The following PCDHGA8 variants were observed in gnomAD, a reference collection of about 807,000 sequenced individuals.
PCDHGA8 encodes the protein protocadherin gamma-A8.
PCDHGA8 carries 45 observed loss-of-function variants against 59.2 expected under a neutral mutation model. The observed-to-expected ratio is 0.76, with a 90% CI of 0.60 to 0.98. PCDHGA8 has a LOEUF of 0.98. Among genes scored for constraint, PCDHGA8 ranks in the 50% least tolerant of loss-of-function variants. The pLI, the probability that PCDHGA8 is intolerant of heterozygous loss-of-function variation, is 0.00. For missense variants in PCDHGA8, 1,257 were observed against 1,196.2 expected, an observed-to-expected ratio of 1.05 and a Z score of -0.75; for synonymous variants, 531 against 519.0, an observed-to-expected ratio of 1.02 and a Z score of -0.32.
chr5:141,509,499 T>C (rs895353804), intron 3 of PCDHGA8, among the ~76,000 whole-genome samples: 1 of 152,128 alleles, frequency 6.6e-6, no homozygotes, highest in Non-Finnish European at 1.5e-5. Flanking sequence ...GCATGCTGGA[T>C]GTGACGGTGT....
rs767425379 is a variant in PCDHGA8, at chr5:141,403,635, T to C, written c.2424+8398T>C. 1.1e-5 allele frequency: 18 copies of C among 1,613,902 alleles called. No individual in the cohort carries two copies. The South Asian group carries it at 1.8e-4, about 16-fold the overall frequency. On this transcript the variant is annotated intron_variant, in intron 1 of 3. Transcript: ENST00000398604. ...CCGCGTCGCTCCAGCACAGTGCGCA[T>C]CCATGTGACAGTGTTGGATACAAAT... is the stretch of plus-strand genomic sequence containing the variant.
chr5:141,475,013 G>T (rs950376592), intron 1 of PCDHGA8, among the ~76,000 whole-genome samples: 1 of 152,176 alleles, frequency 6.6e-6, no homozygotes, highest in African/African-American at 2.4e-5. Context: ...AAAAGTTAAG[G>T]CTCTTTATTC....
intron 1 of PCDHGA8, chr5:141,419,330 C>G (rs2096361200): frequency 1.9e-6 from 3 of 1,613,958 alleles, no homozygotes; most frequent in Non-Finnish European, 2.5e-6. Context: ...CTCCTACTCT[C>G]TCATTGCCAG....
chr5:141,414,255 G>A (rs776584940), intron 1 of PCDHGA8: 12 of 1,613,350 alleles, frequency 7.4e-6, no homozygotes, highest in Non-Finnish European at 1.0e-5. Flanking sequence ...TTAGTCCAGT[G>A]ACTGAAGATT....
chr5:141,415,772 T>TTTTA, intron 1 of PCDHGA8: 1 of 1,332,982 alleles, frequency 7.5e-7, no homozygotes, highest in Non-Finnish European at 9.6e-7. Context: ...TTTTTTTTTT[T>TTTTA]ACTTTCTGGT....
intron 1 of PCDHGA8, among the ~76,000 whole-genome samples, chr5:141,425,410 A>G (rs1283299220): frequency 2.0e-5 from 3 of 152,240 alleles, no homozygotes; most frequent in African/African-American, 7.2e-5. Flanking sequence ...TTAAGGTATA[A>G]CATATAGTCC....
intron 1 of PCDHGA8, among the ~76,000 whole-genome samples, chr5:141,445,834 T>G (rs1310067225): frequency 6.6e-6 from 1 of 152,218 alleles, no homozygotes; most frequent in Middle Eastern, 3.2e-3. Context: ...GGGAGAGCCT[T>G]GTAAATCACA....
At chr5:141,449,264 C>CTG (rs2098633558) in intron 1 of PCDHGA8, among the ~76,000 whole-genome samples, 1 of 152,056 alleles carries the variant, frequency 6.6e-6, no homozygotes, top group African/African-American at 2.4e-5. Context: ...GTACAAAGAA[C>CTG]TGTATCTCCT....
chr5:141,448,515 T>C (rs1158968509), intron 1 of PCDHGA8, among the ~76,000 whole-genome samples: 1 of 152,212 alleles, frequency 6.6e-6, no homozygotes, highest in Non-Finnish European at 1.5e-5. Flanking sequence ...TTTATAACTT[T>C]ATTAAGCATC....
chr5:141,442,298 G>A (rs934210433), intron 1 of PCDHGA8: 2 of 152,564 alleles, frequency 1.3e-5, no homozygotes, highest in African/African-American at 4.8e-5. Flanking sequence ...TCCTGTCTGA[G>A]TCTTTCCCAC....
intron 1 of PCDHGA8, chr5:141,421,442 A>G (rs769354611): frequency 1.7e-5 from 27 of 1,613,990 alleles, no homozygotes; most frequent in Non-Finnish European, 2.2e-5. Context: ...TCCAGAGGGA[A>G]GACACAGCTT....
At chr5:141,400,191 A>G (rs781032596) in intron 1 of PCDHGA8, 2 of 1,613,970 alleles carry the variant, frequency 1.2e-6, no homozygotes, top group Non-Finnish European at 1.7e-6. Context: ...AGTTTTACCT[A>G]GTGGTGGCCT....
At chr5:141,405,708 C>T (rs1328051668) in intron 1 of PCDHGA8, among the ~76,000 whole-genome samples, 2 of 152,164 alleles carry the variant, frequency 1.3e-5, no homozygotes, top group African/African-American at 4.8e-5. Context: ...GAATTCCTAA[C>T]CTCAAGTGAT....
At chr5:141,501,116 C>T (rs1325487254) in intron 2 of PCDHGA8, among the ~76,000 whole-genome samples, 1 of 152,154 alleles carries the variant, frequency 6.6e-6, no homozygotes, top group Non-Finnish European at 1.5e-5. Flanking sequence ...ATCCGCCTGC[C>T]TCAGCCTCCC....
Position 141,432,026 on chromosome 5 carries a change from A to G in PCDHGA8, c.2424+36789A>G, listed in dbSNP as rs1591124077. On this transcript the variant is annotated intron_variant, in intron 1 of 3. Coordinates refer to ENST00000398604, the MANE Select transcript of PCDHGA8 (RefSeq NM_032088.2). The surrounding 1 kb of genome is among the most constrained non-coding windows in gnomAD (Gnocchi z 6.0). ...GGTTCCTAGCTACAACATCACAGTG[A>G]CCGCCACTGACCGGGGAACCCCGCC... The G allele has an allele frequency of 1.9e-6, 3 of 1,614,152 alleles. 1 individual carries two copies. Among genetic ancestry groups the G allele is most frequent in the Middle Eastern group, 3.3e-4 (2 of 6,062 alleles).
chr5:141,497,858 C>T (rs920483410), intron 2 of PCDHGA8, among the ~76,000 whole-genome samples: 3 of 152,218 alleles, frequency 2.0e-5, no homozygotes, highest in Non-Finnish European at 2.9e-5. Flanking sequence ...TTTGATTCAG[C>T]GGCTCCAAAG....
At chr5:141,465,266 C>G (rs2099099623) in intron 1 of PCDHGA8, among the ~76,000 whole-genome samples, 1 of 152,096 alleles carries the variant, frequency 6.6e-6, no homozygotes, top group South Asian at 2.1e-4. Flanking sequence ...ATGATACTAG[C>G]CATTTAGTTC....
At chr5:141,474,671 A>G (rs2099352865) in intron 1 of PCDHGA8, among the ~76,000 whole-genome samples, 1 of 152,204 alleles carries the variant, frequency 6.6e-6, no homozygotes, top group South Asian at 2.1e-4. Context: ...TACCTAACCT[A>G]TGTGCCTACC....
chr5:141,404,240 C>T, intron 1 of PCDHGA8: 1 of 1,613,660 alleles, frequency 6.2e-7, no homozygotes, highest in East Asian at 2.2e-5. Context: ...CAGAGGAACT[C>T]CGCCCCTGTC....
Sources: gnomAD v4.1 joint callset for allele counts (sites outside exome capture counted in the v4.1 genomes callset) on GRCh38, gnomAD v4.1.1 for gene constraint, Gnocchi (gnomAD v3.1) non-coding constraint, MANE v1.5 for transcripts, NCBI Gene and HGNC (gene_info 2026-07-23, HGNC 2026-07-21) for gene names.